Variants in BANK1 observed in about 807,000 individuals in gnomAD.
BANK1 encodes the protein B-cell scaffold protein with ankyrin repeats.
Under a neutral mutation model 94.5 loss-of-function variants are expected in BANK1, and 95 were observed. That is an observed-to-expected ratio of 1.00 (90% CI 0.85 to 1.19). BANK1 has a LOEUF of 1.19. Among genes scored for constraint, BANK1 ranks in the 50% most tolerant of loss-of-function variants. The pLI is 0.00. For missense variants in BANK1, 987 were observed against 932.2 expected, an observed-to-expected ratio of 1.06 and a Z score of -0.77; for synonymous variants, 334 against 308.4, an observed-to-expected ratio of 1.08 and a Z score of -0.87.
At chr4:101,989,288 C>G (rs1725615361) in intron 7 of BANK1, among the ~76,000 whole-genome samples, 2 of 151,620 alleles carry the variant, frequency 1.3e-5, no homozygotes. Context: ...ATTAAAAATA[C>G]AAAAATGTGG....
At chr4:101,808,415 TAG>T (rs1246081891) in intron 1 of BANK1, among the ~76,000 whole-genome samples, 1 of 152,192 alleles carries the variant, frequency 6.6e-6, no homozygotes, top group African/African-American at 2.4e-5. Context: ...TAAAAATTTA[TAG>T]AGTTTTGCTA....
chr4:101,862,853 T>A (rs1727932131), intron 4 of BANK1, among the ~76,000 whole-genome samples, 189 bp downstream of exon 4: 1 of 152,070 alleles, frequency 6.6e-6, no homozygotes, highest in African/African-American at 2.4e-5. Flanking sequence ...ATGTAAATTA[T>A]GAGAAATTAG....
chr4:102,025,742 C>T (rs527506183), intron 9 of BANK1, among the ~76,000 whole-genome samples: 1 of 152,096 alleles, frequency 6.6e-6, no homozygotes, highest in African/African-American at 2.4e-5. Context: ...TTCCTCCCTC[C>T]CTCCCTCCTT....
At chr4:101,943,310 G>A (rs887095790) in intron 7 of BANK1, among the ~76,000 whole-genome samples, 4 of 151,912 alleles carry the variant, frequency 2.6e-5, no homozygotes, top group African/African-American at 7.2e-5. Context: ...TCAAAACTTA[G>A]AACATCCTAG....
intron 11 of BANK1, among the ~76,000 whole-genome samples, chr4:102,050,422 C>A (rs528030022): frequency 5.3e-5 from 8 of 152,148 alleles, no homozygotes; most frequent in Non-Finnish European, 8.8e-5. Flanking sequence ...ACTTTGGTTG[C>A]CTAAGCCCTA....
intron 13 of BANK1, among the ~76,000 whole-genome samples, chr4:102,068,049 A>G (rs972529904): frequency 6.6e-6 from 1 of 152,132 alleles, no homozygotes; most frequent in South Asian, 2.1e-4. Context: ...ATCTCCCAAT[A>G]TATTTAGGAA....
At chr4:102,045,513 C>T (rs1727850674) in intron 11 of BANK1, among the ~76,000 whole-genome samples, 1 of 152,116 alleles carries the variant, frequency 6.6e-6, no homozygotes, top group Non-Finnish European at 1.5e-5. Flanking sequence ...TCCCTGTTTG[C>T]AGACGACATG....
In BANK1 at chr4:101,880,992, T is replaced by G. The variant is rs553173768; in HGVS notation, c.903+10348T>G. Among the ~76,000 whole-genome samples the G allele has an allele frequency of 2.0e-5, 3 of 152,082 alleles. No homozygotes were observed. The South Asian group carries it at 6.2e-4, about 32-fold the overall frequency. ...TACTGAAAGAAAACATTGGAACAACTCTCCAGGACATTGGTTTGGGCAAAA... is the reference window on the plus strand; with the variant it reads ...TACTGAAAGAAAACATTGGAACAACGCTCCAGGACATTGGTTTGGGCAAAA... On this transcript the variant is annotated intron_variant, in intron 5 of 16. Coordinates refer to ENST00000322953, the MANE Select transcript of BANK1 (RefSeq NM_017935.5).
intron 1 of BANK1, among the ~76,000 whole-genome samples, chr4:101,808,725 A>G (rs1725644127): frequency 1.3e-5 from 2 of 152,206 alleles, no homozygotes; most frequent in East Asian, 3.8e-4. Flanking sequence ...AAGAAGATAT[A>G]TAAATAGCCA....
intron 7 of BANK1, among the ~76,000 whole-genome samples, chr4:101,919,787 A>G (rs904995079): frequency 1.3e-5 from 2 of 151,996 alleles, no homozygotes; most frequent in African/African-American, 4.8e-5. Context: ...TGCTGTCAGT[A>G]AGGAATTGAC....
At chr4:101,924,574 A>G (rs1448693567) in intron 7 of BANK1, among the ~76,000 whole-genome samples, 1 of 151,796 alleles carries the variant, frequency 6.6e-6, no homozygotes, top group Admixed American at 6.6e-5. Context: ...CCACAGCAGT[A>G]TAATCATTTG....
At chr4:101,832,460 A>G (rs975517389) in intron 2 of BANK1, among the ~76,000 whole-genome samples, 4 of 152,104 alleles carry the variant, frequency 2.6e-5, no homozygotes, top group African/African-American at 9.7e-5. Flanking sequence ...TGCACTCTAC[A>G]ATTTCTCTCT....
chr4:101,907,429 C>T lies in BANK1; in HGVS notation c.1010-10564C>T, dbSNP rs574964279. On this transcript the variant is annotated intron_variant, in intron 6 of 16. Transcript: ENST00000322953. ...TCAAAATAATAAGAGCTATTTATGA[C>T]AGACCCACAGCCAATATCATACTGA... Among the ~76,000 whole-genome samples the T allele has an allele frequency of 4.6e-5, 7 of 152,306 alleles. No individual in the cohort carries two copies. In the East Asian group the frequency reaches 5.8e-4, roughly 13 times the overall value.
At chr4:101,840,383 C>G (rs1727000422) in intron 2 of BANK1, among the ~76,000 whole-genome samples, 1 of 151,894 alleles carries the variant, frequency 6.6e-6, no homozygotes, top group Non-Finnish European at 1.5e-5. Flanking sequence ...GGGAACAGGC[C>G]CCCCAAAATC....
chr4:101,902,946 C>T (rs1168579964), intron 6 of BANK1, among the ~76,000 whole-genome samples: 1 of 152,160 alleles, frequency 6.6e-6, no homozygotes, highest in Non-Finnish European at 1.5e-5. Flanking sequence ...AGTTGTTCAT[C>T]TGTATGAAAT....
chr4:102,007,109 ATAAATATAT>A (rs1726306478), intron 7 of BANK1, among the ~76,000 whole-genome samples: 1 of 57,328 alleles, frequency 1.7e-5, no homozygotes, highest in Non-Finnish European at 3.9e-5. Flanking sequence ...TTATATATAT[ATAAATATAT>A]ATTTTATATA....
At chr4:101,875,548 A>G (rs760062084) in intron 5 of BANK1, among the ~76,000 whole-genome samples, 2 of 152,046 alleles carry the variant, frequency 1.3e-5, no homozygotes, top group Non-Finnish European at 2.9e-5. Flanking sequence ...ATTAGAACTC[A>G]CTCACTATCA....
chr4:102,038,707 A>G (rs1727603188), intron 10 of BANK1, among the ~76,000 whole-genome samples: 1 of 152,184 alleles, frequency 6.6e-6, no homozygotes, highest in Non-Finnish European at 1.5e-5. Flanking sequence ...CCTGGATTAT[A>G]AAAGTTTCTA....
intron 1 of BANK1, among the ~76,000 whole-genome samples, chr4:101,824,712 G>A (rs1247607983): frequency 6.9e-6 from 1 of 144,854 alleles, no homozygotes; most frequent in Admixed American, 6.9e-5. Flanking sequence ...TCTGCCTTTT[G>A]GTTACCAGTT....
Sources: gnomAD v4.1 joint callset for allele counts (sites outside exome capture counted in the v4.1 genomes callset) on GRCh38, gnomAD v4.1.1 for gene constraint, MANE v1.5 for transcripts, NCBI Gene and HGNC (gene_info 2026-07-23, HGNC 2026-07-21) for gene names.